Variants in ARHGEF38 observed in about 807,000 individuals in gnomAD.
ARHGEF38 encodes the protein Rho guanine nucleotide exchange factor (GEF) 38.
A neutral mutation model predicts 79.9 loss-of-function variants in ARHGEF38; 79 were observed. The observed-to-expected ratio is 0.99, with a 90% CI of 0.82 to 1.19. The LOEUF is 1.19. ARHGEF38 is among the 50% of genes most tolerant of loss of function. ARHGEF38 has a pLI of 0.00. For synonymous variants in ARHGEF38, 366 were observed against 328.3 expected (o/e 1.11, Z -1.24); for missense variants, 962 against 907.2 (o/e 1.06, Z -0.78).
chr4:105,572,235 ACTCTT>A (rs1377662359), intron 1 of ARHGEF38, among the ~76,000 whole-genome samples: 1 of 151,980 alleles, frequency 6.6e-6, no homozygotes, highest in Non-Finnish European at 1.5e-5. Context: ...TGACATTGAA[ACTCTT>A]CTTTTTTTTC....
chr4:105,655,628 G>C lies in ARHGEF38; in HGVS notation c.1139G>C (p.Ser380Thr). Residue 380 changes from serine to threonine, a missense_variant, in exon 9 of 14, where the codon AGT becomes ACT. Physicochemically the swap from Ser to Thr is moderately conservative, Grantham distance 58. Coordinates refer to ENST00000420470, the MANE Select transcript of ARHGEF38 (RefSeq NM_001242729.2). ...GATGCCATGCCCCTGGCTCTGCAGA[G>C]TGTGATGGACCTTCAGGAGATTTCA... Reference protein sequence around the residue: ...IQDAMPLALQSVMDLQEISYN... With the variant: ...IQDAMPLALQTVMDLQEISYN... The C allele has an allele frequency of 6.5e-7, 1 of 1,535,998 alleles. No individual in the cohort carries two copies. The highest frequency in any genetic ancestry group is 8.7e-7 in the Non-Finnish European group (1 of 1,146,708).
At chr4:105,575,023 C>G (rs1369257917) in intron 1 of ARHGEF38, among the ~76,000 whole-genome samples, 1 of 151,798 alleles carries the variant, frequency 6.6e-6, no homozygotes. Flanking sequence ...TACACACACA[C>G]ACACACACAC....
intron 3 of ARHGEF38, among the ~76,000 whole-genome samples, chr4:105,623,781 C>G (rs1728834799): frequency 6.6e-6 from 1 of 152,198 alleles, no homozygotes; most frequent in Non-Finnish European, 1.5e-5. Flanking sequence ...TCTGGACACT[C>G]TCAGAAGGGA....
intron 3 of ARHGEF38, among the ~76,000 whole-genome samples, chr4:105,615,659 A>G (rs1306557884): frequency 2.0e-5 from 3 of 152,216 alleles, no homozygotes; most frequent in Non-Finnish European, 4.4e-5. Context: ...TAGTTGCATC[A>G]GAAGAGGTTT....
intron 13 of ARHGEF38, among the ~76,000 whole-genome samples, chr4:105,676,613 T>C (rs1026120159): frequency 6.6e-6 from 1 of 152,240 alleles, no homozygotes; most frequent in Non-Finnish European, 1.5e-5. Flanking sequence ...TATGATTTTG[T>C]TGGAAGAATA....
intron 2 of ARHGEF38, among the ~76,000 whole-genome samples, chr4:105,603,129 A>G (rs749638561): frequency 6.6e-6 from 1 of 152,144 alleles, no homozygotes. Flanking sequence ...TTCATTCCAC[A>G]GTTTTCCTAA....
intron 8 of ARHGEF38, among the ~76,000 whole-genome samples, chr4:105,655,140 T>C (rs1299704502): frequency 6.6e-6 from 1 of 152,194 alleles, no homozygotes; most frequent in Non-Finnish European, 1.5e-5. Flanking sequence ...CCATCCTTTA[T>C]GTATCTTTCA....
chr4:105,579,660 G>C (rs1458765976), intron 1 of ARHGEF38, among the ~76,000 whole-genome samples: 2 of 152,068 alleles, frequency 1.3e-5, no homozygotes, highest in Admixed American at 6.6e-5. Context: ...TTTTTGCATT[G>C]ATGTTCACCA....
At chr4:105,674,574 A>C (rs1190965759) in intron 13 of ARHGEF38, among the ~76,000 whole-genome samples, 3 of 152,106 alleles carry the variant, frequency 2.0e-5, no homozygotes, top group Non-Finnish European at 2.9e-5. Context: ...CTTAAAAAAG[A>C]GACTGAAAAT....
chr4:105,596,606 A>T (rs1327911506), intron 2 of ARHGEF38, among the ~76,000 whole-genome samples: 1 of 152,246 alleles, frequency 6.6e-6, no homozygotes, highest in African/African-American at 2.4e-5. Flanking sequence ...TTGACTTCCT[A>T]TGCATTTTAA....
intron 5 of ARHGEF38, among the ~76,000 whole-genome samples, chr4:105,638,889 A>T (rs1729507713): frequency 6.6e-6 from 1 of 152,054 alleles, no homozygotes; most frequent in Non-Finnish European, 1.5e-5. Context: ...TATTGATGTC[A>T]TAAGTTTATT....
rs951567456 is a variant in ARHGEF38 at position 105,584,160 on chromosome 4, T to C, written c.197-5088T>C. 1.2e-4 allele frequency among the ~76,000 whole-genome samples: 18 copies of C among 152,348 alleles called. No homozygotes were observed. The South Asian group carries it at 2.9e-3, about 25-fold the overall frequency. ...AAAAGATCCCCACTATATACTGTTA[T>C]AGTTGCAAAAGCAAGTTGCAGAAGA... On this transcript the variant is annotated intron_variant, in intron 1 of 13. Coordinates refer to ENST00000420470, the MANE Select transcript of ARHGEF38 (RefSeq NM_001242729.2).
intron 6 of ARHGEF38, among the ~76,000 whole-genome samples, chr4:105,647,427 C>A (rs1729895237): frequency 6.6e-6 from 1 of 151,920 alleles, no homozygotes; most frequent in African/African-American, 2.4e-5. Flanking sequence ...GTTTCCATAG[C>A]ATTTTATTTA....
chr4:105,608,345 C>G (rs956224074), intron 2 of ARHGEF38, among the ~76,000 whole-genome samples: 1 of 151,898 alleles, frequency 6.6e-6, no homozygotes, highest in African/African-American at 2.4e-5. Context: ...ACCTATTGAC[C>G]ACTTTTATGT....
intron 1 of ARHGEF38, chr4:105,570,282 G>A (rs920226318): frequency 1.1e-4 from 16 of 152,200 alleles, no homozygotes; most frequent in Admixed American, 8.5e-4. Flanking sequence ...CTTATTATAG[G>A]CTTATCACAA....
intron 5 of ARHGEF38, among the ~76,000 whole-genome samples, chr4:105,637,152 T>C (rs536056212): frequency 2.0e-5 from 3 of 152,268 alleles, no homozygotes; most frequent in African/African-American, 7.2e-5. Flanking sequence ...TGTGTGTGTG[T>C]ATGTACTTTA....
At chr4:105,664,519 C>A (rs1242857781) in intron 10 of ARHGEF38, among the ~76,000 whole-genome samples, 1 of 152,226 alleles carries the variant, frequency 6.6e-6, no homozygotes, top group Admixed American at 6.5e-5. Flanking sequence ...GTCAGACACA[C>A]TCTTTCTATA....
At chr4:105,567,954 C>T (rs1204949171) in intron 1 of ARHGEF38, among the ~76,000 whole-genome samples, 3 of 135,678 alleles carry the variant, frequency 2.2e-5, no homozygotes. Flanking sequence ...CACAACAGTC[C>T]CCAGAGTGTG....
intron 2 of ARHGEF38, among the ~76,000 whole-genome samples, chr4:105,602,339 C>T (rs1002048502): frequency 6.6e-6 from 1 of 152,056 alleles, no homozygotes; most frequent in African/African-American, 2.4e-5. Flanking sequence ...TTTCTGTAGG[C>T]AACTGGGAAG....
Sources: gnomAD v4.1 joint callset for allele counts (sites outside exome capture counted in the v4.1 genomes callset) on GRCh38, gnomAD v4.1.1 for gene constraint, MANE v1.5 for transcripts, NCBI Gene and HGNC (gene_info 2026-07-23, HGNC 2026-07-21) for gene names.